BTRC: variants seen among roughly 807,000 people sequenced by gnomAD.
The protein encoded by BTRC is F-box/WD repeat-containing protein 1A.
In BTRC, 42 loss-of-function variants were observed where a neutral mutation model predicts 85.5. That is an observed-to-expected ratio of 0.49 (90% confidence interval 0.38 to 0.64). BTRC has a LOEUF of 0.64. BTRC is among the 30% of genes least tolerant of loss of function. The pLI, the probability that BTRC is intolerant of heterozygous loss-of-function variation, is 0.00. For missense variants in BTRC, 594 were observed against 743.5 expected, an observed-to-expected ratio of 0.80 and a Z score of 2.34; for synonymous variants, 255 against 263.3, an observed-to-expected ratio of 0.97 and a Z score of 0.30.
chr10:101,540,581 T>C (rs190916338), intron 13 of BTRC, among the ~76,000 whole-genome samples: 4 of 152,340 alleles, frequency 2.6e-5, no homozygotes, highest in Admixed American at 2.6e-4. Flanking sequence ...TCAAAGTTTT[T>C]TGGGGCCTTT....
chr10:101,527,286 CT>C (rs1165020710), intron 6 of BTRC, among the ~76,000 whole-genome samples: 1 of 151,846 alleles, frequency 6.6e-6, no homozygotes, highest in Non-Finnish European at 1.5e-5. Context: ...GGCTCTCTTT[CT>C]TTTTTTCTAT....
intron 1 of BTRC, among the ~76,000 whole-genome samples, chr10:101,379,689 G>A (rs1011441480): frequency 7.3e-5 from 11 of 151,684 alleles, no homozygotes; most frequent in East Asian, 1.9e-4. Context: ...GTTTTTTTAT[G>A]GCCTGTTACA....
At position 101,526,095 on chromosome 10, in the gene BTRC, G is replaced by A. The variant is rs2062187226; in HGVS notation, c.639G>A (p.Lys213=). The part of the protein sequence containing the change: ...KSLCAAELVC[K]EWYRVTSDGM... Reference sequence around the variant, plus strand: ...TATGTGCTGCTGAACTTGTGTGCAAGGAATGGTACCGAGTGACCTCTGATG... The same window carrying A: ...TATGTGCTGCTGAACTTGTGTGCAAAGAATGGTACCGAGTGACCTCTGATG... The change falls in exon 6 of 15, where the codon AAG becomes AAA. Residue 213 remains lysine (K), a synonymous_variant. Coordinates refer to ENST00000370187, the MANE Select transcript of BTRC (RefSeq NM_033637.4). 1.2e-6 allele frequency: 2 copies of A among 1,614,172 alleles called. No individual in the cohort carries two copies. Among genetic ancestry groups the A allele is most frequent in the African/African-American group, 1.3e-5 (1 of 75,034 alleles).
chr10:101,471,762 T>C (rs1047930120), intron 3 of BTRC, among the ~76,000 whole-genome samples: 5 of 152,186 alleles, frequency 3.3e-5, no homozygotes, highest in African/African-American at 1.2e-4. Flanking sequence ...TGTGGCAAGA[T>C]GTTTTAGAGC....
At chr10:101,542,355 A>T (rs1303541032) in intron 13 of BTRC, among the ~76,000 whole-genome samples, 1 of 152,050 alleles carries the variant, frequency 6.6e-6, no homozygotes, top group Non-Finnish European at 1.5e-5. Flanking sequence ...AAATATAATC[A>T]GTTGAAGCTA....
At chr10:101,399,853 T>G (rs1943453210) in intron 1 of BTRC, among the ~76,000 whole-genome samples, 1 of 152,208 alleles carries the variant, frequency 6.6e-6, no homozygotes, top group Non-Finnish European at 1.5e-5. Context: ...ATTAGGTATA[T>G]TCATCATTCC....
intron 1 of BTRC, among the ~76,000 whole-genome samples, chr10:101,415,165 G>C (rs7079033): frequency 0.012 from 1,711 of 148,644 alleles, 34 homozygotes; most frequent in African/African-American, 0.042. Flanking sequence ...CTATATAGGT[G>C]TACCATTTTT....
At chr10:101,389,117 G>GTTTTTTTTTTT (rs1169198314) in intron 1 of BTRC, among the ~76,000 whole-genome samples, 5 of 53,042 alleles carry the variant, frequency 9.4e-5, no homozygotes, top group East Asian at 5.6e-4. Flanking sequence ...TTTTTTGTGT[G>GTTTTTTTTTTT]TGTTTTTTTT....
chr10:101,384,154 G>A (rs1943007234), intron 1 of BTRC, among the ~76,000 whole-genome samples: 1 of 152,190 alleles, frequency 6.6e-6, no homozygotes, highest in African/African-American at 2.4e-5. Flanking sequence ...TTATACTTTA[G>A]CAACTGGTTT....
At chr10:101,528,918 A>G (rs1307334877) in intron 6 of BTRC, among the ~76,000 whole-genome samples, 1 of 152,172 alleles carries the variant, frequency 6.6e-6, no homozygotes, top group Non-Finnish European at 1.5e-5. Context: ...GTTGTATTTT[A>G]TATCTAGATG....
rs760847771 is a variant in BTRC at position 101,531,267 on chromosome 10, T to C, written c.774T>C (p.Pro258=). The change falls in exon 7 of 15, where the codon CCT becomes CCC. Residue 258 remains proline, a synonymous_variant. Coordinates refer to ENST00000370187, the MANE Select transcript of BTRC (RefSeq NM_033637.4). The part of the protein sequence containing the change: ...WGQYLFKNKP[P]DGNAPPNSFY... Reference sequence around the variant, plus strand: ...AGTATTTATTCAAAAACAAACCTCCTGACGGGAATGCTCCTCCCAACTCTT... The same window carrying C: ...AGTATTTATTCAAAAACAAACCTCCCGACGGGAATGCTCCTCCCAACTCTT... 3 of 1,610,160 alleles carry C rather than the reference T, an allele frequency of 1.9e-6. No homozygotes were observed. The South Asian group carries it at 3.3e-5, about 18-fold the overall frequency.
intron 1 of BTRC, among the ~76,000 whole-genome samples, chr10:101,393,512 A>G (rs557128549): frequency 6.6e-6 from 1 of 152,324 alleles, no homozygotes; most frequent in Non-Finnish European, 1.5e-5. Context: ...GCAGTTAACA[A>G]GAATGCTAGG....
chr10:101,423,164 T>G (rs113102659), intron 1 of BTRC, among the ~76,000 whole-genome samples: 2 of 152,184 alleles, frequency 1.3e-5, no homozygotes, highest in African/African-American at 4.8e-5. Context: ...TCCTCCCACC[T>G]TGGCCTCCCA....
At chr10:101,520,157 T>C (rs780444305) in intron 4 of BTRC, among the ~76,000 whole-genome samples, 15 of 152,072 alleles carry the variant, frequency 9.9e-5, no homozygotes, top group Non-Finnish European at 2.2e-4. Flanking sequence ...GTTTGTTTGT[T>C]TGGGGGGACA....
chr10:101,368,285 A>T (rs139682728), intron 1 of BTRC, among the ~76,000 whole-genome samples: 3 of 152,012 alleles, frequency 2.0e-5, no homozygotes, highest in Non-Finnish European at 2.9e-5. Context: ...CTCCACCGTG[A>T]GTGGAAGCCG....
At chr10:101,528,506 T>C (rs1194141787) in intron 6 of BTRC, among the ~76,000 whole-genome samples, 1 of 152,230 alleles carries the variant, frequency 6.6e-6, no homozygotes, top group East Asian at 1.9e-4. Flanking sequence ...CCCGCTCTTT[T>C]GAGTATCCTT....
At chr10:101,418,998 T>C (rs1216269617) in intron 1 of BTRC, among the ~76,000 whole-genome samples, 1 of 151,668 alleles carries the variant, frequency 6.6e-6, no homozygotes, top group Non-Finnish European at 1.5e-5. Flanking sequence ...TCACAGTTTC[T>C]TTTCTTTCTT....
At chr10:101,550,547 G>C in intron 13 of BTRC, 152 bp from the exon 14 acceptor site, 3 of 676,438 alleles carry the variant, frequency 4.4e-6, no homozygotes, top group South Asian at 4.3e-5. Flanking sequence ...CTCCCAAAGT[G>C]CTGGGATTAC....
intron 14 of BTRC, among the ~76,000 whole-genome samples, chr10:101,552,483 C>T (rs1485712813): frequency 6.6e-6 from 1 of 151,828 alleles, no homozygotes. Context: ...TGTGAGCCAC[C>T]GCACCCGGCC....
Sources: allele counts gnomAD v4.1 joint callset (sites outside exome capture counted in the v4.1 genomes callset), GRCh38; gene constraint gnomAD v4.1.1; transcripts MANE v1.5; gene names NCBI Gene and HGNC (gene_info 2026-07-23, HGNC 2026-07-21).